KIR2DL4: variants seen among roughly 807,000 people sequenced by gnomAD.
KIR2DL4 encodes the protein killer cell immunoglobulin-like receptor 2DL4.
KIR2DL4 carries 41 observed loss-of-function variants against 31.0 expected under a neutral mutation model. The ratio of observed to expected loss-of-function variants is 1.32; its 90% confidence interval spans 1.03 to 1.72. The LOEUF is 1.72. KIR2DL4 is among the 40% of genes most tolerant of loss of function. The pLI, the probability that KIR2DL4 is intolerant of heterozygous loss-of-function variation, is 0.00. For synonymous variants in KIR2DL4, 164 were observed against 133.6 expected (o/e 1.23, Z -1.57); for missense variants, 438 against 353.7 (o/e 1.24, Z -1.91).
intron 5 of KIR2DL4, among the ~76,000 whole-genome samples, chr19:54,812,896 G>A (rs537009792): frequency 8.1e-4 from 117 of 144,696 alleles, no homozygotes; most frequent in Admixed American, 1.9e-3. Context: ...TCAAAGTGGG[G>A]TTTGGAGGGG....
At position 54,813,219 on chromosome 19, in the gene KIR2DL4, C is replaced by CG; in HGVS notation, c.801_802insG (p.Lys268GlufsTer111). 1 of 1,399,938 alleles carries CG rather than the reference C, an allele frequency of 7.1e-7. No individual in the cohort carries two copies. 86.7% of individuals were successfully genotyped at this position (1,399,938 alleles called of 1,614,324 possible). A position where few individuals can be genotyped will look rare whatever the true frequency, so the allele number is the denominator to read the frequency against. On this transcript the variant is annotated frameshift_variant, in exon 6 of 8. Coordinates refer to ENST00000359085, the Ensembl canonical transcript of KIR2DL4. LOFTEE classifies it high-confidence loss of function. ...TCTTTCTCCTTCATCGCTGGTGCTCCAAAAAAAAAGTAAGCCTCACGAAGC... is the reference window on the plus strand; with the variant it reads ...TCTTTCTCCTTCATCGCTGGTGCTCCGAAAAAAAAAGTAAGCCTCACGAAGC...
exon 3 of KIR2DL4, chr19:54,804,795 G>A: frequency 6.2e-7 from 1 of 1,611,624 alleles, no homozygotes; most frequent in Non-Finnish European, 8.5e-7. Flanking sequence ...TCCCCAAGGT[G>A]GTCAGGACAA....
exon 8 of KIR2DL4, chr19:54,814,242 A>G (rs1569409438): frequency 1.4e-5 from 15 of 1,079,200 alleles, no homozygotes; most frequent in Middle Eastern, 2.8e-4. Flanking sequence ...TTAGCCCACA[A>G]TTCTCTATTT....
exon 4 of KIR2DL4, chr19:54,806,180 C>T: frequency 6.2e-7 from 1 of 1,611,748 alleles, no homozygotes; most frequent in Non-Finnish European, 8.5e-7. Flanking sequence ...GATGCTTCGG[C>T]TCTTTCCATG....
exon 4 of KIR2DL4, chr19:54,805,990 C>T (rs775758844): frequency 4.3e-6 from 7 of 1,610,050 alleles, no homozygotes; most frequent in Middle Eastern, 1.7e-4. Flanking sequence ...CGGCCGGGCC[C>T]CACGGTTCGC....
At position 54,805,443 on chromosome 19, in the gene KIR2DL4, C is replaced by G. The variant is rs1388536542; in HGVS notation, c.361+366C>G. ...AGGAGAATGGGGATTAGAGCAGCAT[C>G]GTGGGATACTCCACCAGCCACTGTG... On this transcript the variant is annotated intron_variant, in intron 3 of 7. Coordinates refer to ENST00000359085, the Ensembl canonical transcript of KIR2DL4. Among the ~76,000 whole-genome samples the G allele has an allele frequency of 4.0e-5, 6 of 150,452 alleles. 1 individual carries two copies. In the East Asian group the frequency reaches 1.2e-3, roughly 29 times the overall value.
chr19:54,808,362 C>T (rs2147926800), intron 4 of KIR2DL4, among the ~76,000 whole-genome samples: 1 of 151,390 alleles, frequency 6.6e-6, no homozygotes, highest in Middle Eastern at 3.4e-3. Context: ...AATCCATTTT[C>T]ATCTGATTTT....
rs2060590390 is a variant in KIR2DL4 at position 54,807,363 on chromosome 19, G to T, written c.655+1119G>T. Among the ~76,000 whole-genome samples the T allele has an allele frequency of 2.6e-5, 4 of 151,446 alleles. No homozygotes were observed. In the East Asian group the frequency reaches 5.8e-4, roughly 22 times the overall value. Reference sequence around the variant, plus strand: ...GCAGATGTCACTTCAATACACTGAAGTCCTTTTCTTTGCATTTACACCCAC... The same window carrying T: ...GCAGATGTCACTTCAATACACTGAATTCCTTTTCTTTGCATTTACACCCAC... On this transcript the variant is annotated intron_variant, in intron 4 of 7. Coordinates refer to ENST00000359085, the Ensembl canonical transcript of KIR2DL4.
exon 4 of KIR2DL4, chr19:54,806,002 C>G (rs977806671): frequency 6.2e-7 from 1 of 1,610,432 alleles, no homozygotes; most frequent in Non-Finnish European, 8.5e-7. Context: ...ACGGTTCGCG[C>G]AGGAGAGAAC....
chr19:54,805,112 C>A, intron 3 of KIR2DL4, 35 bp downstream of exon 3: 1 of 1,554,544 alleles, frequency 6.4e-7, no homozygotes, highest in Non-Finnish European at 8.7e-7. Context: ...CTCCTTGTCC[C>A]ACCTCCTGAG....
At chr19:54,812,988 A>G in intron 5 of KIR2DL4, 1 of 611,120 alleles carries the variant, frequency 1.6e-6, no homozygotes, top group African/African-American at 2.2e-5. Context: ...AGCAGGAGAA[A>G]GCTGGGTCTC....
chr19:54,806,852 C>CA (rs1253221418), intron 4 of KIR2DL4, among the ~76,000 whole-genome samples: 21 of 148,918 alleles, frequency 1.4e-4, no homozygotes, highest in East Asian at 2.0e-4. Flanking sequence ...ACTAAAAAGA[C>CA]AAAAAAAATA....
chr19:54,811,238 A>G (rs1489780113), intron 5 of KIR2DL4, among the ~76,000 whole-genome samples: 3 of 150,724 alleles, frequency 2.0e-5, no homozygotes, highest in African/African-American at 7.4e-5. Flanking sequence ...TCTCTACTAA[A>G]TATACAAAAA....
chr19:54,806,379 A>C lies in KIR2DL4; in HGVS notation c.655+135A>C, dbSNP rs370454850. The C allele has an allele frequency of 3.9e-6, 4 of 1,030,630 alleles. 1 individual carries two copies. Among genetic ancestry groups the C allele is most frequent in the Non-Finnish European group, 5.7e-6 (4 of 700,842 alleles). 63.8% of individuals were successfully genotyped at this position (1,030,630 alleles called of 1,614,324 possible). ...CATGGTGTGAGGGTGGGATCAGGGC[A>C]CAGGATGGCAGACAGGGCACCTCCA... On this transcript the variant is annotated intron_variant, in intron 4 of 7. Transcript: ENST00000359085.
chr19:54,814,417 T>G, exon 8 of KIR2DL4: 1 of 396,730 alleles, frequency 2.5e-6, no homozygotes, highest in Non-Finnish European at 4.5e-6. Context: ...GTTCCACCTT[T>G]CCTCAGACTA....
Position 54,803,616 on chromosome 19 carries a change from G to T in KIR2DL4, c.-36G>T, listed in dbSNP as rs987254593. 3 of 1,611,888 alleles carry T rather than the reference G, an allele frequency of 1.9e-6. No homozygotes were observed. In the African/African-American group the frequency reaches 4.0e-5, roughly 22 times the overall value. On this transcript the variant is annotated 5_prime_UTR_variant, in exon 1 of 8. Coordinates refer to ENST00000359085, the Ensembl canonical transcript of KIR2DL4. Reference sequence around the variant, plus strand: ...CACATCCTCTGCACCGGTCAGTCGAGCCGAGTCACTGCGTCCTGGCAGCAG... The same window carrying T: ...CACATCCTCTGCACCGGTCAGTCGATCCGAGTCACTGCGTCCTGGCAGCAG...
chr19:54,805,850 GCACTAGGCCAT>G, intron 3 of KIR2DL4, 90 bp from the exon 4 acceptor site: 59 of 1,080,812 alleles, frequency 5.5e-5, no homozygotes, highest in Non-Finnish European at 7.0e-5. Context: ...GAGAGAGAGA[GCACTAGGCCAT>G]AGAGCAGGGC....
chr19:54,809,572 C>G lies in KIR2DL4; in HGVS notation c.706+689C>G, dbSNP rs887883675. Among the ~76,000 whole-genome samples, 513 of 151,412 alleles carry G rather than the reference C, an allele frequency of 3.4e-3. 21 individuals are homozygous for G. The highest frequency in any genetic ancestry group is 0.012 in the African/African-American group (494 of 41,092). On this transcript the variant is annotated intron_variant, in intron 5 of 7. Coordinates refer to ENST00000359085, the Ensembl canonical transcript of KIR2DL4. ...CAAGGCTGCCTTCCCTCTGAATGTT[C>G]CAGGCAAGAATCTGCTTCCTCACTT...
chr19:54,805,848 G>T lies in KIR2DL4; in HGVS notation c.362-103G>T. On this transcript the variant is annotated intron_variant, in intron 3 of 7. Transcript: ENST00000359085. The stretch of plus-strand genomic sequence containing the variant: ...GGGTGGAGGGTGAGAGAGAGAGAGA[G>T]AGCACTAGGCCATAGAGCAGGGCAG... 3 of 1,081,270 alleles carry T rather than the reference G, an allele frequency of 2.8e-6. 1 individual carries two copies. In the South Asian group the frequency reaches 4.7e-5, roughly 17 times the overall value. 67.0% of individuals were successfully genotyped at this position (1,081,270 alleles called of 1,614,324 possible).
Sources: allele counts gnomAD v4.1 joint callset (sites outside exome capture counted in the v4.1 genomes callset), GRCh38; gene constraint gnomAD v4.1.1; transcripts MANE v1.5; gene names NCBI Gene and HGNC (gene_info 2026-07-23, HGNC 2026-07-21).